The following NELL1 variants were observed in gnomAD, a reference collection of about 807,000 sequenced individuals.
NELL1 encodes the protein neural EGFL like 1.
A neutral mutation model predicts 107.4 loss-of-function variants in NELL1; 76 were observed. That is an observed-to-expected ratio of 0.71 (90% CI 0.59 to 0.86). The LOEUF (loss-of-function observed/expected upper bound fraction) is 0.86, where lower values mean the gene tolerates loss of function less well. Among genes scored for constraint, NELL1 ranks in the 40% least tolerant of loss-of-function variants. NELL1 has a pLI of 0.00. For missense variants in NELL1, 1,024 were observed against 1,005.5 expected, an observed-to-expected ratio of 1.02 and a Z score of -0.25; for synonymous variants, 353 against 341.2, an observed-to-expected ratio of 1.03 and a Z score of -0.38.
intron 4 of NELL1, among the ~76,000 whole-genome samples, chr11:20,850,979 T>G (rs892899603): frequency 2.0e-5 from 3 of 152,154 alleles, no homozygotes; most frequent in Admixed American, 6.6e-5. Flanking sequence ...ACTTTGAGTC[T>G]GAAACTATCT....
At chr11:20,760,470 A>G (rs1856394366) in intron 2 of NELL1, among the ~76,000 whole-genome samples, 1 of 152,288 alleles carries the variant, frequency 6.6e-6, no homozygotes. Context: ...GCAGATTACT[A>G]ATAGTTTTAT....
At chr11:21,316,794 A>C (rs115187788) in intron 14 of NELL1, among the ~76,000 whole-genome samples, 2,851 of 152,180 alleles carry the variant, frequency 0.019, 88 homozygotes, top group African/African-American at 0.066. Flanking sequence ...CAGCAAAGAG[A>C]ATGATGCTCA....
chr11:21,260,954 G>A (rs1440039681), intron 14 of NELL1, among the ~76,000 whole-genome samples: 1 of 151,630 alleles, frequency 6.6e-6, no homozygotes, highest in African/African-American at 2.4e-5. Flanking sequence ...GTGGAGGGAG[G>A]TTAGAATATT....
chr11:20,960,135 A>G (rs1013532025), intron 11 of NELL1, among the ~76,000 whole-genome samples: 5 of 152,158 alleles, frequency 3.3e-5, no homozygotes, highest in Admixed American at 2.0e-4. Flanking sequence ...AATTATAAAA[A>G]GAGTAGTCAT....
At chr11:21,059,264 TG>T (rs1452883713) in intron 12 of NELL1, among the ~76,000 whole-genome samples, 16 of 72,588 alleles carry the variant, frequency 2.2e-4, no homozygotes, top group East Asian at 1.8e-3. Flanking sequence ...AGTTTTGTTT[TG>T]TTTTTTTTTT....
At chr11:21,388,479 T>C (rs1213891185) in intron 15 of NELL1, among the ~76,000 whole-genome samples, 2 of 151,898 alleles carry the variant, frequency 1.3e-5, no homozygotes, top group African/African-American at 2.4e-5. Context: ...TCATAGCTAA[T>C]ATTTCTATAG....
chr11:21,550,658 A>C (rs1472963068), intron 16 of NELL1, among the ~76,000 whole-genome samples: 1 of 151,762 alleles, frequency 6.6e-6, no homozygotes, highest in Non-Finnish European at 1.5e-5. Flanking sequence ...TGTAGATATG[A>C]GGCATTATTT....
At chr11:21,437,817 C>A (rs1162182218) in intron 15 of NELL1, among the ~76,000 whole-genome samples, 1 of 152,134 alleles carries the variant, frequency 6.6e-6, no homozygotes, top group South Asian at 2.1e-4. Flanking sequence ...TTGTAGGCAG[C>A]ATATTTGGGT....
chr11:20,987,307 A>G (rs751973383), intron 12 of NELL1, among the ~76,000 whole-genome samples: 12 of 152,314 alleles, frequency 7.9e-5, no homozygotes, highest in Non-Finnish European at 1.2e-4. Context: ...GATATTGCTC[A>G]GGTTAAAATC....
At chr11:20,751,496 A>T (rs1193426220) in intron 2 of NELL1, among the ~76,000 whole-genome samples, 1 of 151,130 alleles carries the variant, frequency 6.6e-6, no homozygotes. Context: ...TTTCTTTTGG[A>T]GTTGGGGTCT....
At chr11:21,469,434 G>A (rs897488219) in intron 15 of NELL1, among the ~76,000 whole-genome samples, 2 of 151,944 alleles carry the variant, frequency 1.3e-5, no homozygotes, top group African/African-American at 4.8e-5. Context: ...AATTGCTCTT[G>A]GGTTTTCTTC....
chr11:20,876,213 T>G (rs2134094292), intron 4 of NELL1, among the ~76,000 whole-genome samples: 1 of 152,336 alleles, frequency 6.6e-6, no homozygotes, highest in East Asian at 1.9e-4. Context: ...AATCCTTACC[T>G]GTTGGGGGCA....
intron 3 of NELL1, among the ~76,000 whole-genome samples, chr11:20,797,095 G>T (rs2133997311): frequency 6.6e-6 from 1 of 152,306 alleles, no homozygotes; most frequent in Admixed American, 6.5e-5. Flanking sequence ...AGGCCAGATT[G>T]TGAATAGGTT....
chr11:21,110,963 CA>C (rs1472524811), intron 12 of NELL1, among the ~76,000 whole-genome samples: 82 of 152,286 alleles, frequency 5.4e-4, no homozygotes, highest in Admixed American at 4.8e-3. Flanking sequence ...CTAATGTCCA[CA>C]AAGAATCTGG....
chr11:21,321,198 A>T (rs1009021435), intron 14 of NELL1, among the ~76,000 whole-genome samples: 1 of 152,232 alleles, frequency 6.6e-6, no homozygotes, highest in African/African-American at 2.4e-5. Context: ...GCTGTCTCCC[A>T]GGAGATTTGT....
At chr11:20,876,518 C>A (rs1237849130) in intron 4 of NELL1, among the ~76,000 whole-genome samples, 1 of 152,324 alleles carries the variant, frequency 6.6e-6, no homozygotes, top group Non-Finnish European at 1.5e-5. Flanking sequence ...GTAATCCCAG[C>A]ACTTTGGGAG....
At chr11:20,834,723 C>CA (rs997351215) in intron 3 of NELL1, among the ~76,000 whole-genome samples, 7 of 150,746 alleles carry the variant, frequency 4.6e-5, no homozygotes, top group Admixed American at 6.6e-5. Context: ...AAAAAACAAA[C>CA]AAAAAAAACC....
At chr11:21,567,593 A>G (rs1276263260) in intron 17 of NELL1, among the ~76,000 whole-genome samples, 1 of 151,844 alleles carries the variant, frequency 6.6e-6, no homozygotes, top group Non-Finnish European at 1.5e-5. Context: ...CTGTTGTTAT[A>G]TATGTAGCTG....
chr11:20,747,012 G>T (rs1268222690), intron 2 of NELL1, among the ~76,000 whole-genome samples: 2 of 152,150 alleles, frequency 1.3e-5, no homozygotes, highest in Admixed American at 6.6e-5. Flanking sequence ...CTGATTATTG[G>T]TCTGCTCCCC....
Sources: gnomAD v4.1 joint callset for allele counts (sites outside exome capture counted in the v4.1 genomes callset) on GRCh38, gnomAD v4.1.1 for gene constraint, MANE v1.5 for transcripts, NCBI Gene and HGNC (gene_info 2026-07-23, HGNC 2026-07-21) for gene names.